NFIB: variants seen among roughly 807,000 people sequenced by gnomAD.
NFIB encodes the protein nuclear factor 1 B-type.
NFIB carries 11 observed loss-of-function variants against 61.5 expected under a neutral mutation model. The observed-to-expected ratio is 0.18, with a 90% CI of 0.11 to 0.30. The LOEUF is 0.30. NFIB is among the 10% of genes least tolerant of loss of function. The probability of loss-of-function intolerance (pLI) is 1.00; values close to 1 mark genes in which losing one functional copy is unlikely to be tolerated. For synonymous variants in NFIB, 260 were observed against 216.5 expected (o/e 1.20, Z -1.76); for missense variants, 471 against 608.9 (o/e 0.77, Z 2.38).
At chr9:14,390,759 A>G (rs191641022) in intron 1 of NFIB, among the ~76,000 whole-genome samples, 10 of 152,358 alleles carry the variant, frequency 6.6e-5, no homozygotes, top group South Asian at 2.1e-4. Flanking sequence ...GAAGATGGCC[A>G]TCTATGAACC....
the NFIB span, among the ~76,000 whole-genome samples, chr9:14,486,948 A>G: frequency 2.0e-5 from 3 of 152,248 alleles, no homozygotes; most frequent in African/African-American, 7.2e-5. Context: ...CAGATATCCC[A>G]ATCTGGATTG....
At chr9:14,147,712 G>A (rs2042423154) in intron 5 of NFIB, among the ~76,000 whole-genome samples, 1 of 141,996 alleles carries the variant, frequency 7.0e-6, no homozygotes, top group Admixed American at 7.4e-5. Flanking sequence ...CTCAATCTTG[G>A]CTCACAGCAA....
intron 2 of NFIB, among the ~76,000 whole-genome samples, chr9:14,206,746 C>T (rs965332426): frequency 1.3e-5 from 2 of 148,502 alleles, no homozygotes; most frequent in African/African-American, 5.0e-5. Flanking sequence ...TCAGATTTTG[C>T]CTGTGTCTTA....
At chr9:14,279,123 G>A (rs755626416) in intron 2 of NFIB, among the ~76,000 whole-genome samples, 12 of 151,934 alleles carry the variant, frequency 7.9e-5, no homozygotes, top group Non-Finnish European at 1.6e-4. Context: ...TTTCACACAC[G>A]TTATCAAAAT....
chr9:14,340,870 T>C (rs764711666), intron 1 of NFIB, among the ~76,000 whole-genome samples: 3 of 150,876 alleles, frequency 2.0e-5, no homozygotes. Flanking sequence ...AAAACTGGCC[T>C]ACTAGAAGTA....
intron 2 of NFIB, among the ~76,000 whole-genome samples, chr9:14,240,106 A>G (rs1247995159): frequency 6.6e-6 from 1 of 152,210 alleles, no homozygotes. Flanking sequence ...GTCAAGTTCC[A>G]AAATTTCATT....
chr9:14,442,639 C>G, the NFIB span, among the ~76,000 whole-genome samples: 3 of 152,226 alleles, frequency 2.0e-5, no homozygotes, highest in African/African-American at 7.2e-5. Context: ...CTTGGCATCA[C>G]TCTAATCTCT....
intron 1 of NFIB, among the ~76,000 whole-genome samples, chr9:14,328,655 TATA>T (rs2060784552): frequency 6.6e-6 from 1 of 152,146 alleles, no homozygotes; most frequent in Admixed American, 6.5e-5. Context: ...ATTGCATAGT[TATA>T]ATCTTAAAAT....
chr9:14,477,133 T>C, the NFIB span, among the ~76,000 whole-genome samples: 1 of 152,176 alleles, frequency 6.6e-6, no homozygotes, highest in Non-Finnish European at 1.5e-5. Flanking sequence ...TGCAACCAGT[T>C]CCCCATATGA....
chr9:14,266,261 T>A (rs1277764774), intron 2 of NFIB, among the ~76,000 whole-genome samples: 1 of 152,124 alleles, frequency 6.6e-6, no homozygotes, highest in African/African-American at 2.4e-5. Context: ...GACTACTAGC[T>A]ATTGCAGCAG....
the NFIB span, among the ~76,000 whole-genome samples, chr9:14,453,369 C>A: frequency 1.3e-5 from 2 of 152,226 alleles, no homozygotes; most frequent in Non-Finnish European, 2.9e-5. Context: ...TATCTGCAAC[C>A]ACACTATGAT....
intron 1 of NFIB, among the ~76,000 whole-genome samples, chr9:14,327,834 A>G (rs2060773757): frequency 6.6e-6 from 1 of 152,158 alleles, no homozygotes; most frequent in Admixed American, 6.5e-5. Context: ...ACCAAAACAA[A>G]ACCCTCCTAT....
the NFIB span, among the ~76,000 whole-genome samples, chr9:14,449,574 T>C: frequency 6.6e-6 from 1 of 152,210 alleles, no homozygotes; most frequent in South Asian, 2.1e-4. Flanking sequence ...TTGAAATGCA[T>C]CATTTTTTAT....
intron 2 of NFIB, among the ~76,000 whole-genome samples, chr9:14,301,995 T>TC (rs1485380376): frequency 6.6e-6 from 1 of 152,148 alleles, no homozygotes; most frequent in Non-Finnish European, 1.5e-5. Context: ...TTAACAGTGC[T>TC]CCCCTAAATC....
chr9:14,265,800 G>A (rs1224253784), intron 2 of NFIB, among the ~76,000 whole-genome samples: 2 of 152,196 alleles, frequency 1.3e-5, no homozygotes, highest in Admixed American at 1.3e-4. Flanking sequence ...TGAGTTTGCA[G>A]TGTAGTGGAG....
At chr9:14,097,424 G>A (rs2034969243) in intron 10 of NFIB, among the ~76,000 whole-genome samples, 1 of 152,064 alleles carries the variant, frequency 6.6e-6, no homozygotes, top group African/African-American at 2.4e-5. Context: ...CTCCCCCCAG[G>A]AACTCCAGGA....
At chr9:14,365,163 A>C (rs1272458334) in intron 1 of NFIB, among the ~76,000 whole-genome samples, 1 of 152,238 alleles carries the variant, frequency 6.6e-6, no homozygotes, top group Non-Finnish European at 1.5e-5. Context: ...TATTTTATCT[A>C]AGATTTTGCT....
chr9:14,407,449 G>A, the NFIB span, among the ~76,000 whole-genome samples: 1 of 152,088 alleles, frequency 6.6e-6, no homozygotes, highest in African/African-American at 2.4e-5. Flanking sequence ...TGGTGTTACC[G>A]AACTGGGCAT....
chr9:14,274,894 T>C (rs992568158), intron 2 of NFIB, among the ~76,000 whole-genome samples: 1 of 152,206 alleles, frequency 6.6e-6, no homozygotes, highest in Admixed American at 6.5e-5. Context: ...CTAAATTAAC[T>C]GATTTCTTAA....
Sources: gnomAD v4.1 joint callset for allele counts (sites outside exome capture counted in the v4.1 genomes callset) on GRCh38, gnomAD v4.1.1 for gene constraint, MANE v1.5 for transcripts, NCBI Gene and HGNC (gene_info 2026-07-23, HGNC 2026-07-21) for gene names.